Variants in SPON2 observed in about 807,000 individuals in gnomAD.
The protein encoded by SPON2 is spondin 2.
SPON2 carries 32 observed loss-of-function variants against 29.9 expected under a neutral mutation model. The observed-to-expected ratio is 1.07, with a 90% confidence interval of 0.81 to 1.44. The LOEUF (loss-of-function observed/expected upper bound fraction) is 1.44. Ranked by LOEUF, SPON2 falls within the 40% of genes most tolerant of loss-of-function variation. The pLI, the probability that SPON2 is intolerant of heterozygous loss-of-function variation, is 0.00. For missense variants in SPON2, 541 were observed against 455.5 expected (o/e 1.19, Z -1.71); for synonymous variants, 248 against 209.1 (o/e 1.19, Z -1.61).
chr4:1,180,627 T>A (rs1225984712), intron 1 of SPON2, among the ~76,000 whole-genome samples: 1 of 152,228 alleles, frequency 6.6e-6, no homozygotes, highest in Non-Finnish European at 1.5e-5. Flanking sequence ...AAAACTTTTC[T>A]AAATAATTTA....
At chr4:1,203,365 G>A (rs760091360) in intron 1 of SPON2, among the ~76,000 whole-genome samples, 1 of 152,166 alleles carries the variant, frequency 6.6e-6, no homozygotes, top group East Asian at 1.9e-4. Context: ...ATATGTGGCC[G>A]TCTGCGTCTG....
At chr4:1,188,054 A>T (rs1727837556) in intron 1 of SPON2, among the ~76,000 whole-genome samples, 1 of 151,596 alleles carries the variant, frequency 6.6e-6, no homozygotes, top group South Asian at 2.1e-4. Flanking sequence ...AATACAAAAA[A>T]AAAAAAATTA....
intron 1 of SPON2, chr4:1,205,231 GT>G (rs2108683979): frequency 6.6e-6 from 1 of 152,612 alleles, no homozygotes; most frequent in South Asian, 2.1e-4. Flanking sequence ...GGAACTGGCT[GT>G]GGGTGGAGAC....
chr4:1,193,058 C>T (rs751432061), intron 1 of SPON2, among the ~76,000 whole-genome samples: 4 of 152,308 alleles, frequency 2.6e-5, no homozygotes, highest in African/African-American at 4.8e-5. Context: ...GCCACACACA[C>T]GTGCACACAC....
intron 1 of SPON2, among the ~76,000 whole-genome samples, chr4:1,190,489 A>G (rs1436213186): frequency 2.0e-5 from 3 of 152,228 alleles, no homozygotes; most frequent in Non-Finnish European, 4.4e-5. Flanking sequence ...CACACAAAAA[A>G]TAAACTTTCC....
intron 2 of SPON2, 45 bp from the exon 3 acceptor site, chr4:1,171,531 C>A (rs1169381860): frequency 6.3e-7 from 1 of 1,579,570 alleles, no homozygotes. Context: ...TCAGACACTG[C>A]GGTCGGGCTT....
chr4:1,188,905 G>C (rs1486016051), intron 1 of SPON2, among the ~76,000 whole-genome samples: 1 of 152,082 alleles, frequency 6.6e-6, no homozygotes, highest in African/African-American at 2.4e-5. Flanking sequence ...AGTGCACGTG[G>C]AATGTCTGAC....
chr4:1,186,059 A>G (rs982382763), intron 1 of SPON2, among the ~76,000 whole-genome samples: 9 of 148,130 alleles, frequency 6.1e-5, no homozygotes, highest in South Asian at 4.3e-4. Flanking sequence ...CCTGGCTAAC[A>G]CGGTGAAACC....
chr4:1,169,124 G>C (rs774501948), intron 5 of SPON2, among the ~76,000 whole-genome samples: 3 of 151,806 alleles, frequency 2.0e-5, no homozygotes, highest in Non-Finnish European at 4.4e-5. Flanking sequence ...GGCCACAGCT[G>C]ACTTTATCCC....
chr4:1,194,003 T>G (rs1299499236), intron 1 of SPON2, among the ~76,000 whole-genome samples: 2 of 151,750 alleles, frequency 1.3e-5, no homozygotes, highest in Non-Finnish European at 2.9e-5. Context: ...AGGCTGCCAG[T>G]ATGTGGAACC....
At position 1,190,386 on chromosome 4, in the gene SPON2, A is replaced by G. The variant is rs1727890078; in HGVS notation, c.-239+4604T>C. Among the ~76,000 whole-genome samples, 2 of 152,184 alleles carry G rather than the reference A, an allele frequency of 1.3e-5. 1 individual carries two copies. Among genetic ancestry groups the G allele is most frequent in the Admixed American group, 1.3e-4 (2 of 15,278 alleles). ...ACCAAATGTTTGAAGCATAATTAAT[A>G]CCAATCCTTCATAAATTCTTCCAAA... On this transcript the variant is annotated intron_variant, in intron 1 of 3. Transcript: ENST00000502483.
chr4:1,195,355 C>T (rs1487820657), upstream of SPON2, among the ~76,000 whole-genome samples: 1 of 150,732 alleles, frequency 6.6e-6, no homozygotes, highest in Non-Finnish European at 1.5e-5. Context: ...AGGACCGGCC[C>T]CCTGGCCCGT....
chr4:1,172,216 T>A, intron 1 of SPON2, 142 bp from the exon 2 acceptor site: 1 of 718,502 alleles, frequency 1.4e-6, no homozygotes, highest in Non-Finnish European at 2.3e-6. Context: ...AAAGCTCTCC[T>A]GCGGTGCTTC....
chr4:1,195,710 A>G (rs1183832758), upstream of SPON2, among the ~76,000 whole-genome samples: 9 of 146,040 alleles, frequency 6.2e-5, no homozygotes, highest in East Asian at 1.3e-3. Flanking sequence ...CCTGCCCCAG[A>G]CCCCCCACCC....
At chr4:1,189,024 CA>C (rs1258357372) in intron 1 of SPON2, among the ~76,000 whole-genome samples, 2 of 152,042 alleles carry the variant, frequency 1.3e-5, no homozygotes, top group African/African-American at 4.8e-5. Flanking sequence ...AAATCAATAA[CA>C]GAAAGAAATT....
At chr4:1,171,214 G>T (rs920231715) in intron 3 of SPON2, 24 bp from the exon 4 acceptor site, 10 of 1,461,574 alleles carry the variant, frequency 6.8e-6, no homozygotes, top group African/African-American at 1.5e-5. Context: ...GGCTCAGCGC[G>T]CCTGGCCCCG....
At chr4:1,191,680 C>T (rs1727916974) in intron 1 of SPON2, among the ~76,000 whole-genome samples, 1 of 152,190 alleles carries the variant, frequency 6.6e-6, no homozygotes, top group African/African-American at 2.4e-5. Context: ...ACTGGGAAGG[C>T]CAGGGGCAGG....
Position 1,171,295 on chromosome 4 carries a change from C to T in SPON2, c.412G>A (p.Ala138Thr), listed in dbSNP as rs750814932. Residue 138 changes from alanine (A) to threonine (T), a missense_variant, in exon 3 of 6, where the codon GCG becomes ACG. Coordinates refer to ENST00000290902, the MANE Select transcript of SPON2 (RefSeq NM_012445.4). ...TGCCTGCGCTGCACCTCCAGCTCCG[C>T]CGACGTCTGCCCGGTGCCGCTGGGG... ...AVPSGTGQTSAELEVQRRHSL... is the reference protein window; with the variant it reads ...AVPSGTGQTSTELEVQRRHSL... 1 of 1,583,012 alleles carries T rather than the reference C, an allele frequency of 6.3e-7. No individual in the cohort carries two copies.
At chr4:1,194,437 G>A (rs1473365342) in intron 1 of SPON2, among the ~76,000 whole-genome samples, 8 of 152,188 alleles carry the variant, frequency 5.3e-5, no homozygotes, top group Non-Finnish European at 8.8e-5. Context: ...GGACCGGATG[G>A]AGCGGCTGGC....
Sources: allele counts gnomAD v4.1 joint callset (sites outside exome capture counted in the v4.1 genomes callset), GRCh38; gene constraint gnomAD v4.1.1; transcripts MANE v1.5; gene names NCBI Gene and HGNC (gene_info 2026-07-23, HGNC 2026-07-21).